RAMP3: variants seen among roughly 807,000 people sequenced by gnomAD.
RAMP3 encodes receptor activity-modifying protein 3.
In RAMP3, 14 loss-of-function variants were observed where a neutral mutation model predicts 13.5. The observed-to-expected ratio is 1.04, with a 90% CI of 0.69 to 1.63. The LOEUF (loss-of-function observed/expected upper bound fraction) is 1.63, where lower values mean the gene tolerates loss of function less well. Among genes scored for constraint, RAMP3 ranks in the 40% most tolerant of loss-of-function variants. The pLI is 0.00. For synonymous variants in RAMP3, 106 were observed against 88.3 expected (o/e 1.20, Z -1.12); for missense variants, 200 against 204.8 (o/e 0.98, Z 0.14).
chr7:45,171,803 A>G (rs1786089116), intron 1 of RAMP3, among the ~76,000 whole-genome samples: 1 of 152,096 alleles, frequency 6.6e-6, no homozygotes, highest in African/African-American at 2.4e-5. Context: ...TCAGGCATGG[A>G]CTTCTGTTCT....
At chr7:45,168,441 A>T (rs1174125907) in intron 1 of RAMP3, among the ~76,000 whole-genome samples, 3 of 141,226 alleles carry the variant, frequency 2.1e-5, no homozygotes, top group African/African-American at 8.2e-5. Flanking sequence ...TTCTTTCAAC[A>T]GTGTTTTATA....
intron 2 of RAMP3, among the ~76,000 whole-genome samples, chr7:45,177,949 G>A (rs1402652527): frequency 6.6e-6 from 1 of 152,012 alleles, no homozygotes; most frequent in Admixed American, 6.5e-5. Context: ...TGTCTGGGAG[G>A]TGCTCTGCCT....
intron 1 of RAMP3, chr7:45,163,806 C>T (rs1356933094): frequency 1.0e-6 from 1 of 985,278 alleles, no homozygotes; most frequent in Non-Finnish European, 1.2e-6. Flanking sequence ...GCCAGTGGGG[C>T]ATCTGGAGGG....
Position 45,163,177 on chromosome 7 carries a change from G to A in RAMP3, c.58+5291G>A, listed in dbSNP as rs987610658. Reference sequence around the variant, plus strand: ...TAGGCCTGGGCTGTGGCCTGGGTGAGCCTATTGTGCAGTTGACTCTGCTGG... The same window carrying A: ...TAGGCCTGGGCTGTGGCCTGGGTGAACCTATTGTGCAGTTGACTCTGCTGG... On this transcript the variant is annotated intron_variant, in intron 1 of 2. Coordinates refer to ENST00000242249, the MANE Select transcript of RAMP3 (RefSeq NM_005856.3). The A allele has an allele frequency of 3.0e-6, 3 of 985,288 alleles. No individual in the cohort carries two copies. In the African/African-American group the frequency reaches 5.2e-5, roughly 17 times the overall value. The allele number at this position is 985,288 out of a possible 1,614,324, so 61.0% of individuals were successfully genotyped here.
At chr7:45,179,261 AC>A (rs928734513) in intron 2 of RAMP3, among the ~76,000 whole-genome samples, 2 of 152,030 alleles carry the variant, frequency 1.3e-5, no homozygotes, top group African/African-American at 2.4e-5. Flanking sequence ...AAGAGGAAGG[AC>A]CTAGAAGCAG....
At chr7:45,166,938 C>G (rs554567882) in intron 1 of RAMP3, among the ~76,000 whole-genome samples, 6 of 136,126 alleles carry the variant, frequency 4.4e-5, no homozygotes, top group Non-Finnish European at 7.7e-5. Flanking sequence ...TAATTTAGCT[C>G]TACATGTAGG....
intron 1 of RAMP3, among the ~76,000 whole-genome samples, chr7:45,165,086 T>TCTC (rs954059729): frequency 5.9e-5 from 9 of 152,156 alleles, no homozygotes; most frequent in Admixed American, 5.9e-4. Flanking sequence ...CTCTTGCCCT[T>TCTC]CTCCTCCTCC....
chr7:45,184,188 G>A lies in RAMP3; in HGVS notation c.*776G>A, dbSNP rs1462348110. The A allele has an allele frequency of 4.8e-5, 19 of 398,640 alleles. No homozygotes were observed. The East Asian group carries it at 6.4e-4, about 13-fold the overall frequency. The allele number at this position is 398,640 out of a possible 1,614,324, so 24.7% of individuals were successfully genotyped here. ...GGCCCTCTGGAATGGCATCCCATGA[G>A]CTTGTGGCCTCTATCTGCTACCATC... On this transcript the variant is annotated 3_prime_UTR_variant, in exon 3 of 3. Coordinates refer to ENST00000242249, the MANE Select transcript of RAMP3 (RefSeq NM_005856.3).
chr7:45,177,293 G>C lies in RAMP3; in HGVS notation c.59-16G>C, dbSNP rs1786208257. 2.5e-6 allele frequency: 4 copies of C among 1,613,930 alleles called. No homozygotes were observed. Among genetic ancestry groups the C allele is most frequent in the Non-Finnish European group, 3.4e-6 (4 of 1,179,902 alleles). The stretch of plus-strand genomic sequence containing the variant: ...TGTGAACTGTAGTGGAATTCTTATG[G>C]CTGTCCCCTCTCCAGGTGGGTGTCC... On this transcript the variant is annotated splice_polypyrimidine_tract_variant and intron_variant, in intron 1 of 2. Coordinates refer to ENST00000242249, the MANE Select transcript of RAMP3 (RefSeq NM_005856.3).
At chr7:45,171,397 C>T (rs1786079617) in intron 1 of RAMP3, among the ~76,000 whole-genome samples, 2 of 152,170 alleles carry the variant, frequency 1.3e-5, no homozygotes, top group Non-Finnish European at 2.9e-5. Flanking sequence ...CTCAGGTGAC[C>T]TGCCCACCTT....
chr7:45,183,759 C>T lies in RAMP3; in HGVS notation c.*347C>T, dbSNP rs1786368766. ...CAGGTTTCTATGCTGTTTCTTAGCACAGAATCCAGCCTAGCCTTAGCCGCA... is the reference window on the plus strand; with the variant it reads ...CAGGTTTCTATGCTGTTTCTTAGCATAGAATCCAGCCTAGCCTTAGCCGCA... On this transcript the variant is annotated 3_prime_UTR_variant, in exon 3 of 3. Transcript: ENST00000242249. 3.6e-6 allele frequency: 2 copies of T among 554,816 alleles called. No individual in the cohort carries two copies. The highest frequency in any genetic ancestry group is 6.4e-6 in the Non-Finnish European group (2 of 312,606). The allele number at this position is 554,816 out of a possible 1,614,324, so 34.4% of individuals were successfully genotyped here.
intron 1 of RAMP3, among the ~76,000 whole-genome samples, chr7:45,165,123 CT>C (rs956335045): frequency 6.6e-6 from 1 of 151,686 alleles, no homozygotes; most frequent in African/African-American, 2.4e-5. Flanking sequence ...GGGTGTAATT[CT>C]TTTTTTTGTT....
chr7:45,160,913 G>T (rs1323081975), intron 1 of RAMP3, among the ~76,000 whole-genome samples: 2 of 152,238 alleles, frequency 1.3e-5, no homozygotes, highest in African/African-American at 4.8e-5. Flanking sequence ...CTAACATTGG[G>T]TGGGTTGTCA....
intron 1 of RAMP3, among the ~76,000 whole-genome samples, chr7:45,169,878 A>C (rs1040566915): frequency 6.6e-6 from 1 of 152,238 alleles, no homozygotes; most frequent in Non-Finnish European, 1.5e-5. Flanking sequence ...GAGGTGTACT[A>C]GGGGTTAGGA....
At chr7:45,158,406 TGA>T (rs1785802226) in intron 1 of RAMP3, among the ~76,000 whole-genome samples, 1 of 152,200 alleles carries the variant, frequency 6.6e-6, no homozygotes, top group African/African-American at 2.4e-5. Flanking sequence ...TGGAACTGGC[TGA>T]GAGGGGAAGC....
chr7:45,168,707 C>T (rs575688815), intron 1 of RAMP3, among the ~76,000 whole-genome samples: 50 of 152,226 alleles, frequency 3.3e-4, no homozygotes, highest in Non-Finnish European at 6.2e-4. Context: ...AGTATAAAAT[C>T]GTGTCATCTG....
intron 1 of RAMP3, chr7:45,163,925 C>A (rs1785911912): frequency 1.0e-6 from 1 of 977,736 alleles, no homozygotes; most frequent in Admixed American, 6.2e-5. Context: ...GCCCAGGATT[C>A]CATGATGTGA....
At chr7:45,175,675 C>T (rs1786168127) in intron 1 of RAMP3, among the ~76,000 whole-genome samples, 2 of 152,266 alleles carry the variant, frequency 1.3e-5, no homozygotes, top group Non-Finnish European at 2.9e-5. Context: ...CACCTGTCCT[C>T]TGTATGTGCT....
At chr7:45,183,034 C>A (rs1308704856) in intron 2 of RAMP3, 123 bp from the exon 3 acceptor site, 11 of 1,348,064 alleles carry the variant, frequency 8.2e-6, no homozygotes, top group African/African-American at 7.2e-5. Flanking sequence ...CAAGGCTGGG[C>A]TGTGAATAGG....
Sources: gnomAD v4.1 joint callset for allele counts (sites outside exome capture counted in the v4.1 genomes callset) on GRCh38, gnomAD v4.1.1 for gene constraint, MANE v1.5 for transcripts, NCBI Gene and HGNC (gene_info 2026-07-23, HGNC 2026-07-21) for gene names.